PTPRT: variants seen among roughly 807,000 people sequenced by gnomAD.
PTPRT encodes the protein protein tyrosine phosphatase receptor type T, also known as receptor-type tyrosine-protein phosphatase T.
Under a neutral mutation model 176.8 loss-of-function variants are expected in PTPRT, and 56 were observed. The ratio of observed to expected loss-of-function variants is 0.32; its 90% confidence interval spans 0.26 to 0.40. PTPRT has a LOEUF of 0.40. Among genes scored for constraint, PTPRT ranks in the 10% least tolerant of loss-of-function variants. The probability of loss-of-function intolerance (pLI) is 1.00; values close to 1 mark genes in which losing one functional copy is unlikely to be tolerated. For synonymous variants in PTPRT, 783 were observed against 739.0 expected, an observed-to-expected ratio of 1.06 and a Z score of -0.96; for missense variants, 1,540 against 1,908.2, an observed-to-expected ratio of 0.81 and a Z score of 3.60.
At chr20:42,245,962 T>G (rs2056443376) in intron 14 of PTPRT, among the ~76,000 whole-genome samples, 1 of 152,098 alleles carries the variant, frequency 6.6e-6, no homozygotes, top group Admixed American at 6.6e-5. Context: ...AACTTCTGAG[T>G]CCAAGCACTG....
chr20:42,186,515 A>T (rs1990790754), intron 16 of PTPRT, among the ~76,000 whole-genome samples: 1 of 151,848 alleles, frequency 6.6e-6, no homozygotes, highest in Non-Finnish European at 1.5e-5. Context: ...AAGTACTGTG[A>T]GAAGATTATG....
At chr20:42,132,704 A>G (rs1284869305) in intron 18 of PTPRT, among the ~76,000 whole-genome samples, 2 of 152,238 alleles carry the variant, frequency 1.3e-5, no homozygotes, top group Non-Finnish European at 2.9e-5. Flanking sequence ...AAGACCTGTC[A>G]TTCATTGCTG....
At chr20:43,126,265 C>T (rs1224183983) in intron 1 of PTPRT, among the ~76,000 whole-genome samples, 2 of 151,662 alleles carry the variant, frequency 1.3e-5, no homozygotes, top group African/African-American at 2.4e-5. Flanking sequence ...GCAGGAGAAT[C>T]GCTTGAACCT....
At chr20:43,177,663 G>A (rs2015152752) in intron 1 of PTPRT, among the ~76,000 whole-genome samples, 1 of 152,160 alleles carries the variant, frequency 6.6e-6, no homozygotes, top group Admixed American at 6.5e-5. Context: ...GCAATACAGA[G>A]AGATTTACAC....
chr20:43,105,096 C>G (rs780864172), intron 1 of PTPRT, among the ~76,000 whole-genome samples: 3 of 152,086 alleles, frequency 2.0e-5, no homozygotes, highest in Non-Finnish European at 4.4e-5. Context: ...TCCAGATGGA[C>G]AGGGGAAGGT....
At chr20:42,135,110 A>G (rs1007926556) in intron 18 of PTPRT, among the ~76,000 whole-genome samples, 1 of 152,128 alleles carries the variant, frequency 6.6e-6, no homozygotes, top group African/African-American at 2.4e-5. Flanking sequence ...CTGGCAGCCA[A>G]TTCTTGCCTT....
intron 9 of PTPRT, among the ~76,000 whole-genome samples, chr20:42,367,660 C>T (rs555670715): frequency 1.3e-5 from 2 of 152,220 alleles, no homozygotes; most frequent in East Asian, 3.9e-4. Flanking sequence ...GCAGGTGATG[C>T]AGGGGTGAGA....
At position 42,663,180 on chromosome 20, in the gene PTPRT, C is replaced by T. The variant is rs573879180; in HGVS notation, c.1153+14686G>A. ...CCCTCCCCCAACCCCACTTAATGTTCAGTTCAGTGCAAAAGATGTACAAAG... is the reference window on the plus strand; with the variant it reads ...CCCTCCCCCAACCCCACTTAATGTTTAGTTCAGTGCAAAAGATGTACAAAG... On this transcript the variant is annotated intron_variant, in intron 7 of 30. Coordinates refer to ENST00000373187, the MANE Select transcript of PTPRT (RefSeq NM_007050.6). Among the ~76,000 whole-genome samples, 466 of 152,100 alleles carry T rather than the reference C, an allele frequency of 3.1e-3. 2 individuals carry two copies. The highest frequency in any genetic ancestry group is 4.2e-3 in the Non-Finnish European group (284 of 67,998).
intron 15 of PTPRT, among the ~76,000 whole-genome samples, chr20:42,202,263 C>A (rs372329892): frequency 6.6e-6 from 1 of 152,148 alleles, no homozygotes. Context: ...AGCCACCGTG[C>A]CCAGCCGAGA....
chr20:42,230,889 T>C (rs1159152695), intron 15 of PTPRT, among the ~76,000 whole-genome samples: 1 of 152,244 alleles, frequency 6.6e-6, no homozygotes, highest in Non-Finnish European at 1.5e-5. Context: ...CCCAGATCCC[T>C]CTGTTCCATA....
At chr20:42,841,667 T>C (rs2078281581) in intron 2 of PTPRT, among the ~76,000 whole-genome samples, 1 of 149,360 alleles carries the variant, frequency 6.7e-6, no homozygotes, top group African/African-American at 2.5e-5. Context: ...ACATAATCTC[T>C]CTCTCCATTT....
downstream of PTPRT, among the ~76,000 whole-genome samples, chr20:42,068,236 G>A (rs905363392): frequency 2.3e-4 from 35 of 152,166 alleles, no homozygotes; most frequent in African/African-American, 8.4e-4. Context: ...AACAAGAGCT[G>A]CAGAGCCTGT....
At chr20:42,789,797 C>A (rs542108596) in intron 3 of PTPRT, among the ~76,000 whole-genome samples, 34 of 152,252 alleles carry the variant, frequency 2.2e-4, no homozygotes, top group Admixed American at 6.5e-4. Flanking sequence ...GTATTAAATT[C>A]TGATTTCTCG....
At chr20:42,289,234 G>C (rs1410588248) in intron 12 of PTPRT, among the ~76,000 whole-genome samples, 2 of 151,884 alleles carry the variant, frequency 1.3e-5, no homozygotes, top group African/African-American at 4.8e-5. Flanking sequence ...TTATGACTGA[G>C]ACCTCAAAAG....
chr20:43,176,330 G>A (rs1400784629), intron 1 of PTPRT, among the ~76,000 whole-genome samples: 1 of 152,182 alleles, frequency 6.6e-6, no homozygotes, highest in Non-Finnish European at 1.5e-5. Flanking sequence ...CCTGGCAACA[G>A]ATCAAGACCC....
At chr20:42,866,684 C>G (rs1213437200) in intron 2 of PTPRT, among the ~76,000 whole-genome samples, 1 of 152,230 alleles carries the variant, frequency 6.6e-6, no homozygotes, top group Non-Finnish European at 1.5e-5. Flanking sequence ...AACCTCCCTT[C>G]TCATCACATC....
chr20:42,168,946 T>G lies in PTPRT; in HGVS notation c.2492-7404A>C, dbSNP rs536073576. On this transcript the variant is annotated intron_variant, in intron 16 of 30. Transcript: ENST00000373187. ...ACCAAACACATAGTAGGGTTGAACTTGTAGAACTAATAGTAATAGAATGCC... is the reference window on the plus strand; with the variant it reads ...ACCAAACACATAGTAGGGTTGAACTGGTAGAACTAATAGTAATAGAATGCC... Among the ~76,000 whole-genome samples the G allele has an allele frequency of 2.0e-5, 3 of 152,346 alleles. No homozygotes were observed. In the East Asian group the frequency reaches 5.8e-4, roughly 29 times the overall value.
chr20:42,915,515 C>G (rs573208623), intron 1 of PTPRT, among the ~76,000 whole-genome samples: 23 of 152,216 alleles, frequency 1.5e-4, no homozygotes, highest in Non-Finnish European at 3.4e-4. Context: ...CTGTCCCACA[C>G]AGCTCAGAGG....
At chr20:42,349,034 T>C (rs756109279) in intron 11 of PTPRT, among the ~76,000 whole-genome samples, 1 of 152,194 alleles carries the variant, frequency 6.6e-6, no homozygotes, top group Non-Finnish European at 1.5e-5. Flanking sequence ...ACATAGGAAC[T>C]TCTAAATTGG....
Sources: allele counts gnomAD v4.1 joint callset (sites outside exome capture counted in the v4.1 genomes callset), GRCh38; gene constraint gnomAD v4.1.1; transcripts MANE v1.5; gene names NCBI Gene and HGNC (gene_info 2026-07-23, HGNC 2026-07-21).